NEGR1: variants seen among roughly 807,000 people sequenced by gnomAD.
The protein encoded by NEGR1 is neuronal growth regulator 1, also known as IgLON family member 4.
A neutral mutation model predicts 40.9 loss-of-function variants in NEGR1; 10 were observed. The observed-to-expected ratio is 0.24, with a 90% CI of 0.15 to 0.42. The LOEUF is 0.42. NEGR1 is among the 10% of genes least tolerant of loss of function. NEGR1 has a pLI of 1.00. For synonymous variants in NEGR1, 185 were observed against 166.8 expected (o/e 1.11, Z -0.84); for missense variants, 352 against 438.9 (o/e 0.80, Z 1.77).
intron 1 of NEGR1, among the ~76,000 whole-genome samples, chr1:72,267,149 A>AT (rs1398116406): frequency 6.6e-6 from 1 of 151,104 alleles, no homozygotes; most frequent in African/African-American, 2.4e-5. Context: ...TAGGTTAGGC[A>AT]TTATCATTAA....
intron 1 of NEGR1, among the ~76,000 whole-genome samples, chr1:72,190,736 T>C: frequency 6.6e-6 from 1 of 151,614 alleles, no homozygotes; most frequent in East Asian, 1.9e-4. Context: ...CCTGAATAGC[T>C]AATGATTATG....
intron 6 of NEGR1, among the ~76,000 whole-genome samples, chr1:71,556,031 A>T (rs1449311128): frequency 6.6e-6 from 1 of 151,488 alleles, no homozygotes; most frequent in Non-Finnish European, 1.5e-5. Flanking sequence ...CTACTAGATC[A>T]TAAAGGATGG....
intron 1 of NEGR1, among the ~76,000 whole-genome samples, chr1:72,161,119 C>A (rs564119773): frequency 6.6e-6 from 1 of 151,982 alleles, no homozygotes; most frequent in Non-Finnish European, 1.5e-5. Flanking sequence ...CCAAAGAGAA[C>A]GCAGCTCTGA....
intron 1 of NEGR1, among the ~76,000 whole-genome samples, chr1:71,969,308 C>T (rs1570564522): frequency 6.6e-6 from 1 of 152,196 alleles, no homozygotes; most frequent in African/African-American, 2.4e-5. Flanking sequence ...AGCCACCATG[C>T]CCAGCCTAAC....
intron 1 of NEGR1, among the ~76,000 whole-genome samples, chr1:72,104,251 A>C (rs952395226): frequency 6.6e-6 from 1 of 152,130 alleles, no homozygotes; most frequent in Non-Finnish European, 1.5e-5. Flanking sequence ...GATGTGATTA[A>C]GTTAAGGGTT....
chr1:72,092,549 G>A (rs959949517), intron 1 of NEGR1, among the ~76,000 whole-genome samples: 9 of 152,052 alleles, frequency 5.9e-5, no homozygotes, highest in African/African-American at 9.7e-5. Context: ...CATAATCCAC[G>A]AGTCAAAGGT....
chr1:71,631,897 G>C (rs1378442760), intron 4 of NEGR1, among the ~76,000 whole-genome samples: 1 of 151,570 alleles, frequency 6.6e-6, no homozygotes, highest in Non-Finnish European at 1.5e-5. Flanking sequence ...GCAATTAAGG[G>C]GTTTGCATTA....
At chr1:71,887,420 C>G (rs1394176895) in intron 2 of NEGR1, among the ~76,000 whole-genome samples, 1 of 152,180 alleles carries the variant, frequency 6.6e-6, no homozygotes, top group African/African-American at 2.4e-5. Flanking sequence ...TTCTTTCTTA[C>G]TCTCTGTCCC....
chr1:71,443,467 G>A (rs1213418573), intron 6 of NEGR1, among the ~76,000 whole-genome samples: 1 of 152,112 alleles, frequency 6.6e-6, no homozygotes, highest in Admixed American at 6.6e-5. Context: ...TATCTTCTCA[G>A]TGAAAGGGTT....
chr1:72,178,872 G>A (rs781485395), intron 1 of NEGR1, among the ~76,000 whole-genome samples: 8 of 151,590 alleles, frequency 5.3e-5, no homozygotes, highest in South Asian at 2.1e-4. Flanking sequence ...GTCTGTTCAT[G>A]CCCTTTGCTC....
At chr1:71,509,755 G>A (rs1180648041) in intron 6 of NEGR1, among the ~76,000 whole-genome samples, 1 of 152,172 alleles carries the variant, frequency 6.6e-6, no homozygotes, top group East Asian at 1.9e-4. Flanking sequence ...GTTTAAGTCA[G>A]CACTCATCTG....
At chr1:71,831,345 T>G (rs1022058693) in intron 2 of NEGR1, among the ~76,000 whole-genome samples, 5 of 151,894 alleles carry the variant, frequency 3.3e-5, no homozygotes, top group African/African-American at 1.2e-4. Context: ...AATAAAGGTG[T>G]TAGATTGTTT....
intron 1 of NEGR1, among the ~76,000 whole-genome samples, chr1:72,271,817 C>A (rs1003707827): frequency 6.6e-5 from 10 of 151,750 alleles, no homozygotes; most frequent in Admixed American, 2.6e-4. Context: ...GGCGGTCTTT[C>A]CCATGCTATT....
At chr1:71,741,131 A>C (rs2101676304) in intron 3 of NEGR1, among the ~76,000 whole-genome samples, 1 of 152,304 alleles carries the variant, frequency 6.6e-6, no homozygotes, top group Middle Eastern at 3.4e-3. Context: ...AGCATTCATT[A>C]CTGCTCTAAG....
chr1:72,052,395 G>C (rs754185009), intron 1 of NEGR1, among the ~76,000 whole-genome samples: 1 of 151,366 alleles, frequency 6.6e-6, no homozygotes, highest in Non-Finnish European at 1.5e-5. Flanking sequence ...TGCAAAAATT[G>C]CTCACATGAA....
chr1:71,587,990 T>C (rs1487730341), intron 6 of NEGR1, among the ~76,000 whole-genome samples: 1 of 152,174 alleles, frequency 6.6e-6, no homozygotes, highest in Non-Finnish European at 1.5e-5. Context: ...TCCCTTTAGA[T>C]GGCAAGTCTT....
At chr1:71,656,499 A>G (rs1043954436) in intron 4 of NEGR1, among the ~76,000 whole-genome samples, 3 of 151,378 alleles carry the variant, frequency 2.0e-5, no homozygotes, top group Non-Finnish European at 4.4e-5. Flanking sequence ...TGCAAACTCC[A>G]CCTCCCGGGT....
At position 71,400,027 on chromosome 1, in the gene NEGR1, G is replaced by A. The variant is rs1258184615; in HGVS notation, c.*7419C>T. The A allele has an allele frequency of 6.6e-6, 1 of 152,106 alleles. No homozygotes were observed. Among genetic ancestry groups the A allele is most frequent in the Non-Finnish European group, 1.5e-5 (1 of 68,012 alleles). 9.4% of individuals were successfully genotyped at this position (152,106 alleles called of 1,614,324 possible). A position where few individuals can be genotyped will look rare whatever the true frequency, so the allele number is the denominator to read the frequency against. ...TTAAGCACAATTCAGAACTGCGGGA[G>A]GTCTAAGTCTGCTGTGACTTAGTGT... On this transcript the variant is annotated 3_prime_UTR_variant, in exon 7 of 7. Coordinates refer to ENST00000357731, the MANE Select transcript of NEGR1 (RefSeq NM_173808.3).
intron 1 of NEGR1, among the ~76,000 whole-genome samples, chr1:72,085,186 T>G (rs1305240163): frequency 6.6e-6 from 1 of 152,158 alleles, no homozygotes; most frequent in African/African-American, 2.4e-5. Context: ...CAGAAATGCA[T>G]GTAATGCATA....
Sources: allele counts gnomAD v4.1 joint callset (sites outside exome capture counted in the v4.1 genomes callset), GRCh38; gene constraint gnomAD v4.1.1; transcripts MANE v1.5; gene names NCBI Gene and HGNC (gene_info 2026-07-23, HGNC 2026-07-21).